Variants in ACTR3C observed in about 807,000 individuals in gnomAD.
The protein encoded by ACTR3C is actin related protein 3C, also known as actin-related protein 3C.
A neutral mutation model predicts 26.3 loss-of-function variants in ACTR3C; 18 were observed. The observed-to-expected ratio is 0.68, with a 90% confidence interval of 0.47 to 1.01. The LOEUF (loss-of-function observed/expected upper bound fraction) is 1.01, where lower values mean the gene tolerates loss of function less well. Ranked by LOEUF, ACTR3C falls within the 50% of genes least tolerant of loss-of-function variation. ACTR3C has a pLI of 0.00. For synonymous variants in ACTR3C, 55 were observed against 94.5 expected (o/e 0.58, Z 2.42); for missense variants, 184 against 250.7 (o/e 0.73, Z 1.80).
At chr7:150,082,661 A>C in the ACTR3C span, among the ~76,000 whole-genome samples, 16 of 152,178 alleles carry the variant, frequency 1.1e-4, no homozygotes, top group Non-Finnish European at 1.8e-4. Flanking sequence ...GGTGTTCCTC[A>C]TTCATGTGAA....
the ACTR3C span, among the ~76,000 whole-genome samples, chr7:149,972,959 G>T: frequency 6.6e-6 from 1 of 152,082 alleles, no homozygotes; most frequent in Non-Finnish European, 1.5e-5. Flanking sequence ...ATTATAGTGA[G>T]TGGGTGGCAC....
At chr7:150,034,665 G>C in the ACTR3C span, among the ~76,000 whole-genome samples, 1 of 149,772 alleles carries the variant, frequency 6.7e-6, no homozygotes, top group South Asian at 2.1e-4. Context: ...TAAATCCCAC[G>C]TAAGGTACCT....
At chr7:150,158,833 C>T in the ACTR3C span, among the ~76,000 whole-genome samples, 3 of 151,428 alleles carry the variant, frequency 2.0e-5, no homozygotes, top group African/African-American at 7.3e-5. Context: ...CATGCACACA[C>T]AGGCACACAC....
chr7:150,180,605 C>T, the ACTR3C span, among the ~76,000 whole-genome samples: 13 of 147,362 alleles, frequency 8.8e-5, no homozygotes, highest in Admixed American at 2.0e-4. Context: ...CTCCGCCTCC[C>T]GGGTTCACGC....
At chr7:150,237,850 A>T in the ACTR3C span, among the ~76,000 whole-genome samples, 18 of 150,694 alleles carry the variant, frequency 1.2e-4, no homozygotes, top group African/African-American at 4.4e-4. Context: ...GAGCAGACTT[A>T]AAGTTTTAAT....
intron 6 of ACTR3C, among the ~76,000 whole-genome samples, chr7:150,263,243 C>T (rs1356552003): frequency 7.2e-5 from 11 of 151,910 alleles, no homozygotes; most frequent in African/African-American, 2.4e-4. Flanking sequence ...AGTCCAGTGG[C>T]GATCTGGGGC....
intron 6 of ACTR3C, among the ~76,000 whole-genome samples, chr7:150,277,412 T>C (rs529149932): frequency 6.6e-6 from 1 of 152,346 alleles, no homozygotes; most frequent in East Asian, 1.9e-4. Context: ...CTTAAAAGCC[T>C]GACCTTTCTG....
the ACTR3C span, among the ~76,000 whole-genome samples, chr7:150,069,702 A>C: frequency 6.6e-6 from 1 of 152,172 alleles, no homozygotes; most frequent in Non-Finnish European, 1.5e-5. Flanking sequence ...GATGCTTACT[A>C]GGCATTCTCA....
chr7:150,108,683 T>C, the ACTR3C span, among the ~76,000 whole-genome samples: 1 of 150,650 alleles, frequency 6.6e-6, no homozygotes, highest in East Asian at 1.9e-4. Context: ...CCTTCTGCCA[T>C]GGAGGACACA....
the ACTR3C span, among the ~76,000 whole-genome samples, chr7:149,994,076 CAGG>C: frequency 1.3e-5 from 2 of 151,414 alleles, no homozygotes; most frequent in Non-Finnish European, 2.9e-5. Context: ...AATAGAGAAA[CAGG>C]AGGTTTTATA....
At chr7:150,008,450 T>C in the ACTR3C span, among the ~76,000 whole-genome samples, 1 of 152,236 alleles carries the variant, frequency 6.6e-6, no homozygotes, top group African/African-American at 2.4e-5. Context: ...AGAGCAACTG[T>C]TTTAAATTTT....
chr7:150,047,330 G>C, the ACTR3C span, among the ~76,000 whole-genome samples: 1 of 152,342 alleles, frequency 6.6e-6, no homozygotes, highest in Non-Finnish European at 1.5e-5. Flanking sequence ...TCCAGGGAAC[G>C]TAAGGCGAAT....
the ACTR3C span, among the ~76,000 whole-genome samples, chr7:150,210,602 T>A: frequency 2.0e-5 from 3 of 148,062 alleles, no homozygotes; most frequent in Non-Finnish European, 4.4e-5. Flanking sequence ...ATAATTATAC[T>A]TAGTGAAAGT....
chr7:150,133,409 C>G, the ACTR3C span, among the ~76,000 whole-genome samples: 1 of 152,122 alleles, frequency 6.6e-6, no homozygotes, highest in African/African-American at 2.4e-5. Context: ...GTTAGATGCT[C>G]CTTGTTCATG....
chr7:150,212,160 A>G, the ACTR3C span, among the ~76,000 whole-genome samples: 860 of 134,272 alleles, frequency 6.4e-3, 2 homozygotes, highest in African/African-American at 0.024. Flanking sequence ...CATATTGCTG[A>G]GACTGTAATA....
chr7:149,982,992 C>T, the ACTR3C span, among the ~76,000 whole-genome samples: 1 of 152,092 alleles, frequency 6.6e-6, no homozygotes, highest in African/African-American at 2.4e-5. Flanking sequence ...TAACTTTTCA[C>T]CATTATAGTT....
chr7:149,952,985 T>C, the ACTR3C span, among the ~76,000 whole-genome samples: 1 of 152,152 alleles, frequency 6.6e-6, no homozygotes. Context: ...GGAAATTATT[T>C]AATGAATGTA....
At chr7:150,231,771 G>A in the ACTR3C span, among the ~76,000 whole-genome samples, 1 of 151,964 alleles carries the variant, frequency 6.6e-6, no homozygotes, top group African/African-American at 2.4e-5. Flanking sequence ...GTTCCTGTGT[G>A]TTTTATGGCC....
the ACTR3C span, among the ~76,000 whole-genome samples, chr7:150,133,455 C>A: frequency 6.6e-6 from 1 of 152,096 alleles, no homozygotes; most frequent in African/African-American, 2.4e-5. Context: ...CCTAGGAGCT[C>A]CTGGAGTTCA....
Sources: allele counts gnomAD v4.1 joint callset (sites outside exome capture counted in the v4.1 genomes callset), GRCh38; gene constraint gnomAD v4.1.1; transcripts MANE v1.5; gene names NCBI Gene and HGNC (gene_info 2026-07-23, HGNC 2026-07-21).